TACR3: variants seen among roughly 807,000 people sequenced by gnomAD.
TACR3 encodes the protein tachykinin receptor 3, also known as neuromedin-K receptor.
A neutral mutation model predicts 35.0 loss-of-function variants in TACR3; 34 were observed. The observed-to-expected ratio is 0.97, with a 90% CI of 0.74 to 1.30. TACR3 has a LOEUF of 1.30. Among genes scored for constraint, TACR3 ranks in the 50% most tolerant of loss-of-function variants. The pLI, the probability that TACR3 is intolerant of heterozygous loss-of-function variation, is 0.00. For missense variants in TACR3, 558 were observed against 591.7 expected (o/e 0.94, Z 0.59); for synonymous variants, 233 against 221.1 (o/e 1.05, Z -0.48).
chr4:103,622,047 T>C (rs1432842310), intron 3 of TACR3, among the ~76,000 whole-genome samples: 1 of 152,096 alleles, frequency 6.6e-6, no homozygotes, highest in African/African-American at 2.4e-5. Flanking sequence ...AGAGGAATGG[T>C]CTGCAGAGAG....
At chr4:103,613,980 T>G (rs1724574237) in intron 3 of TACR3, among the ~76,000 whole-genome samples, 1 of 152,230 alleles carries the variant, frequency 6.6e-6, no homozygotes, top group Non-Finnish European at 1.5e-5. Flanking sequence ...TTCTATTGTA[T>G]AAGGATCCCA....
At chr4:103,590,073 C>T (rs1333913440) in intron 4 of TACR3, 79 bp from the exon 5 acceptor site, 9 of 1,532,158 alleles carry the variant, frequency 5.9e-6, no homozygotes, top group Non-Finnish European at 8.0e-6. Context: ...GAAAATTCTA[C>T]CTAAGGCAGT....
chr4:103,656,892 C>T (rs1348288835), intron 2 of TACR3, among the ~76,000 whole-genome samples: 4 of 151,946 alleles, frequency 2.6e-5, no homozygotes, highest in Non-Finnish European at 5.9e-5. Context: ...CAGGTAAAGA[C>T]ATTTACATGC....
At chr4:103,704,176 A>T (rs572255330) in intron 1 of TACR3, among the ~76,000 whole-genome samples, 8 of 148,412 alleles carry the variant, frequency 5.4e-5, no homozygotes, top group Non-Finnish European at 1.2e-4. Flanking sequence ...AGCAACATGT[A>T]GGGATGAGAT....
intron 3 of TACR3, among the ~76,000 whole-genome samples, chr4:103,651,613 G>A (rs1725619744): frequency 6.6e-6 from 1 of 151,624 alleles, no homozygotes; most frequent in Admixed American, 6.6e-5. Flanking sequence ...TAACATGGAA[G>A]ATAAAGTCCC....
chr4:103,607,190 T>C (rs1455417201), intron 3 of TACR3, among the ~76,000 whole-genome samples: 1 of 151,638 alleles, frequency 6.6e-6, no homozygotes, highest in East Asian at 1.9e-4. Context: ...ATCATACTTA[T>C]CTTTTGTAAC....
intron 1 of TACR3, among the ~76,000 whole-genome samples, chr4:103,689,717 C>G (rs951010747): frequency 3.3e-5 from 5 of 151,908 alleles, no homozygotes; most frequent in Non-Finnish European, 5.9e-5. Flanking sequence ...ATTAAATATA[C>G]AAGCATATGC....
chr4:103,682,989 G>A (rs902698812), intron 1 of TACR3, among the ~76,000 whole-genome samples: 1 of 152,070 alleles, frequency 6.6e-6, no homozygotes, highest in Non-Finnish European at 1.5e-5. Context: ...CATATGCCAC[G>A]TTTTATTGGT....
At chr4:103,682,795 G>C (rs1385515534) in intron 1 of TACR3, among the ~76,000 whole-genome samples, 1 of 152,102 alleles carries the variant, frequency 6.6e-6, no homozygotes, top group Non-Finnish European at 1.5e-5. Context: ...CTGGAGGCTG[G>C]ACTGGAGAAG....
rs1343017138 is a variant in TACR3, at chr4:103,588,502, C to T, written c.*1180G>A. Reference sequence around the variant, plus strand: ...TGATGCTTTCTTAGGACTATTATCTCATTTCTTTCTGGTAAGACTTCTGAA... The same window carrying T: ...TGATGCTTTCTTAGGACTATTATCTTATTTCTTTCTGGTAAGACTTCTGAA... On this transcript the variant is annotated 3_prime_UTR_variant, in exon 5 of 5. Coordinates refer to ENST00000304883, the MANE Select transcript of TACR3 (RefSeq NM_001059.3). 2 of 152,070 alleles carry T rather than the reference C, an allele frequency of 1.3e-5. No homozygotes were observed. Among genetic ancestry groups the T allele is most frequent in the East Asian group, 3.8e-4 (2 of 5,196 alleles). The allele number at this position is 152,070 out of a possible 1,614,324, so 9.4% of individuals were successfully genotyped here. A position where few individuals can be genotyped will look rare whatever the true frequency, so the allele number is the denominator to read the frequency against.
At chr4:103,696,290 A>T (rs1722518972) in intron 1 of TACR3, among the ~76,000 whole-genome samples, 1 of 152,190 alleles carries the variant, frequency 6.6e-6, no homozygotes, top group East Asian at 1.9e-4. Flanking sequence ...TTTTCCTGTA[A>T]TCTTTAACAT....
At chr4:103,706,716 T>C (rs1722801410) in intron 1 of TACR3, among the ~76,000 whole-genome samples, 1 of 152,206 alleles carries the variant, frequency 6.6e-6, no homozygotes, top group Admixed American at 6.5e-5. Flanking sequence ...TTTAACTTTC[T>C]AATACTTATA....
At chr4:103,642,169 T>C (rs1225623690) in intron 3 of TACR3, among the ~76,000 whole-genome samples, 1 of 151,478 alleles carries the variant, frequency 6.6e-6, no homozygotes, top group Non-Finnish European at 1.5e-5. Flanking sequence ...ATGGATATGT[T>C]AATTAGCTTG....
intron 1 of TACR3, among the ~76,000 whole-genome samples, chr4:103,697,468 A>G (rs1412533193): frequency 1.3e-5 from 2 of 151,660 alleles, no homozygotes; most frequent in Non-Finnish European, 2.9e-5. Context: ...TCTGTTGCCC[A>G]GGCTAGAGTG....
At chr4:103,662,217 G>GTT (rs34317006) in intron 1 of TACR3, among the ~76,000 whole-genome samples, 11 of 86,254 alleles carry the variant, frequency 1.3e-4, no homozygotes, top group East Asian at 3.3e-4. Context: ...TGTTGATGGT[G>GTT]TTTTTTTTTT....
intron 1 of TACR3, 61 bp from the exon 2 acceptor site, chr4:103,658,464 G>A: frequency 6.7e-7 from 1 of 1,491,240 alleles, no homozygotes; most frequent in Non-Finnish European, 9.3e-7. Context: ...TTGAAATGGA[G>A]TTTCAAAGGT....
intron 1 of TACR3, among the ~76,000 whole-genome samples, chr4:103,713,595 C>T (rs1362400340): frequency 6.6e-6 from 1 of 151,070 alleles, no homozygotes. Context: ...ACATTGTGCA[C>T]ATGTACCCTG....
In TACR3 at chr4:103,587,476, A is replaced by G. The variant is rs957976197; in HGVS notation, c.*2206T>C. 2 of 152,062 alleles carry G rather than the reference A, an allele frequency of 1.3e-5. No homozygotes were observed. The highest frequency in any genetic ancestry group is 4.8e-5 in the African/African-American group (2 of 41,434). 9.4% of individuals were successfully genotyped at this position (152,062 alleles called of 1,614,324 possible). On this transcript the variant is annotated 3_prime_UTR_variant, in exon 5 of 5. Coordinates refer to ENST00000304883, the MANE Select transcript of TACR3 (RefSeq NM_001059.3). Reference sequence around the variant, plus strand: ...GAAGCCAAAGCAAACCAACAATCCAACTGACGAGGCCAGTATTTTTCCTTA... The same window carrying G: ...GAAGCCAAAGCAAACCAACAATCCAGCTGACGAGGCCAGTATTTTTCCTTA...
intron 3 of TACR3, among the ~76,000 whole-genome samples, chr4:103,634,052 A>G (rs1431698499): frequency 1.3e-5 from 2 of 152,136 alleles, no homozygotes; most frequent in Admixed American, 1.3e-4. Context: ...AGCTGGTTAT[A>G]CTTCTAATGC....
Sources: allele counts gnomAD v4.1 joint callset (sites outside exome capture counted in the v4.1 genomes callset), GRCh38; gene constraint gnomAD v4.1.1; transcripts MANE v1.5; gene names NCBI Gene and HGNC (gene_info 2026-07-23, HGNC 2026-07-21).